Variants in MOB3B observed in about 807,000 individuals in gnomAD.
The protein encoded by MOB3B is MOB kinase activator-like 2B.
MOB3B carries 7 observed loss-of-function variants against 18.7 expected under a neutral mutation model. The observed-to-expected ratio is 0.37, with a 90% CI of 0.21 to 0.70. MOB3B has a LOEUF of 0.70. Ranked by LOEUF, MOB3B falls within the 30% of genes least tolerant of loss-of-function variation. The probability of loss-of-function intolerance (pLI) is 0.52; values close to 1 mark genes in which losing one functional copy is unlikely to be tolerated. For synonymous variants in MOB3B, 111 were observed against 99.9 expected (o/e 1.11, Z -0.66); for missense variants, 253 against 281.3 (o/e 0.90, Z 0.72).
chr9:27,477,575 T>C (rs1587243763), intron 1 of MOB3B, among the ~76,000 whole-genome samples: 1 of 152,232 alleles, frequency 6.6e-6, no homozygotes, highest in African/African-American at 2.4e-5. Context: ...AGGAACATGA[T>C]AGGTGGCCAA....
At chr9:27,470,499 C>T (rs944526034) in intron 1 of MOB3B, among the ~76,000 whole-genome samples, 3 of 152,280 alleles carry the variant, frequency 2.0e-5, no homozygotes, top group East Asian at 1.9e-4. Flanking sequence ...AGCCTCCAGG[C>T]GACTTCTCCC....
At chr9:27,455,097 G>T (rs12379154) in intron 2 of MOB3B, 36 bp downstream of exon 2, 24 of 1,611,828 alleles carry the variant, frequency 1.5e-5, no homozygotes, top group Middle Eastern at 3.4e-4. Context: ...AGATTGTGCA[G>T]GTGACAAAAA....
intron 1 of MOB3B, among the ~76,000 whole-genome samples, chr9:27,483,299 A>AT (rs1180571809): frequency 6.6e-6 from 1 of 151,678 alleles, no homozygotes; most frequent in East Asian, 1.9e-4. Flanking sequence ...CACCTGGCTA[A>AT]TTTTTTGTAT....
At chr9:27,481,403 A>G (rs921263107) in intron 1 of MOB3B, among the ~76,000 whole-genome samples, 2 of 152,030 alleles carry the variant, frequency 1.3e-5, no homozygotes, top group African/African-American at 2.4e-5. Flanking sequence ...CAACCCAAAT[A>G]ACCACAACTG....
rs1820722612 is a variant in MOB3B, at chr9:27,327,024, T to A, written c.*3563A>T. The A allele has an allele frequency of 6.5e-6, 1 of 153,630 alleles. No homozygotes were observed. The highest frequency in any genetic ancestry group is 2.4e-5 in the African/African-American group (1 of 41,494). 9.5% of individuals were successfully genotyped at this position (153,630 alleles called of 1,614,324 possible). ...CGGGAGAAAAAATAAAAGCGTTGAA[T>A]ATTTCACCTCTGGCTACAGGGAGCA... On this transcript the variant is annotated 3_prime_UTR_variant, in exon 4 of 4. Coordinates refer to ENST00000262244, the MANE Select transcript of MOB3B (RefSeq NM_024761.5).
chr9:27,529,280 CA>C (rs5897238), intron 1 of MOB3B, among the ~76,000 whole-genome samples: 60,297 of 151,820 alleles, frequency 0.4, 14,117 homozygotes, highest in East Asian at 0.59. Context: ...AAGGACAAAT[CA>C]AGATCCCGGG....
rs1563873059 is a variant in MOB3B at position 27,455,482 on chromosome 9, AG to A, written c.68del (p.Pro23LeufsTer22). 6.2e-7 allele frequency: 1 copy of A among 1,614,222 alleles called. No homozygotes were observed. Among genetic ancestry groups the A allele is most frequent in the Admixed American group, 1.7e-5 (1 of 60,030 alleles). On this transcript the variant is annotated frameshift_variant, in exon 2 of 4. Transcript: ENST00000262244. LOFTEE classifies it high-confidence loss of function. ...TGTGCAGCTCAAACCTCTGTGTGCC[AG>A]GTTCAAATTTCCTCTTGGGTCGGAA... The part of the protein sequence containing the change: ...KTFRPKRKFE[P>X]GTQRFELHKR...
chr9:27,422,337 T>G (rs1357760073), intron 2 of MOB3B, among the ~76,000 whole-genome samples: 1 of 152,226 alleles, frequency 6.6e-6, no homozygotes, highest in African/African-American at 2.4e-5. Context: ...AAATGCATAG[T>G]TCAGTCCAAC....
chr9:27,429,879 T>G (rs1222606926), intron 2 of MOB3B, among the ~76,000 whole-genome samples: 6 of 152,138 alleles, frequency 3.9e-5, no homozygotes, highest in African/African-American at 1.4e-4. Flanking sequence ...ACTCTGAAAC[T>G]AGGTATCAGA....
intron 1 of MOB3B, among the ~76,000 whole-genome samples, chr9:27,499,399 C>G (rs2131493496): frequency 6.6e-6 from 1 of 152,262 alleles, no homozygotes; most frequent in African/African-American, 2.4e-5. Context: ...ATCACGTAAA[C>G]AAATTACTTC....
At chr9:27,409,922 G>A (rs1822038664) in intron 2 of MOB3B, among the ~76,000 whole-genome samples, 2 of 152,064 alleles carry the variant, frequency 1.3e-5, no homozygotes, top group African/African-American at 4.8e-5. Context: ...GGGGCTGAGA[G>A]GGAGGGGTGG....
intron 1 of MOB3B, among the ~76,000 whole-genome samples, chr9:27,458,636 G>A (rs575467020): frequency 3.7e-5 from 5 of 134,724 alleles, no homozygotes; most frequent in South Asian, 5.6e-4. Context: ...CTGCAGCCTC[G>A]ACCTCCCAGG....
Position 27,529,618 on chromosome 9 carries a change from C to A in MOB3B, c.-262G>T, listed in dbSNP as rs1820499891. On this transcript the variant is annotated 5_prime_UTR_variant, in exon 1 of 4. Coordinates refer to ENST00000262244, the MANE Select transcript of MOB3B (RefSeq NM_024761.5). The stretch of plus-strand genomic sequence containing the variant: ...CCTTCGCCGGGTCAGCTGCAGCCAG[C>A]GCGAAAGAAAATGGTGAGCTCGGGG... 3 of 985,720 alleles carry A rather than the reference C, an allele frequency of 3.0e-6. No homozygotes were observed. Among genetic ancestry groups the A allele is most frequent in the Non-Finnish European group, 3.6e-6 (3 of 830,174 alleles). 61.1% of individuals were successfully genotyped at this position (985,720 alleles called of 1,614,324 possible). A position where few individuals can be genotyped will look rare whatever the true frequency, so the allele number is the denominator to read the frequency against.
intron 1 of MOB3B, among the ~76,000 whole-genome samples, chr9:27,500,679 T>C (rs534495498): frequency 2.6e-5 from 4 of 152,286 alleles, no homozygotes; most frequent in South Asian, 2.1e-4. Context: ...ATTCGGGACA[T>C]AGGCATGGGC....
chr9:27,353,717 G>A (rs1821143175), intron 3 of MOB3B, among the ~76,000 whole-genome samples: 1 of 152,122 alleles, frequency 6.6e-6, no homozygotes, highest in Non-Finnish European at 1.5e-5. Context: ...GCCCTAATCA[G>A]CTCTTCATTC....
At chr9:27,416,984 G>C (rs1822160468) in intron 2 of MOB3B, among the ~76,000 whole-genome samples, 1 of 152,144 alleles carries the variant, frequency 6.6e-6, no homozygotes, top group Admixed American at 6.5e-5. Flanking sequence ...CGATTGAAGG[G>C]GAGAAAGAAA....
intron 1 of MOB3B, among the ~76,000 whole-genome samples, chr9:27,527,442 T>C (rs1012098171): frequency 2.0e-5 from 3 of 152,244 alleles, no homozygotes; most frequent in East Asian, 1.9e-4. Flanking sequence ...GAAAGTGCTC[T>C]ATGTGTCGCA....
chr9:27,523,137 A>G (rs1563890071), intron 1 of MOB3B, among the ~76,000 whole-genome samples: 1 of 152,122 alleles, frequency 6.6e-6, no homozygotes, highest in Non-Finnish European at 1.5e-5. Flanking sequence ...TTTCTTGAGA[A>G]GATATAATAA....
rs987742090 is a variant in MOB3B, at chr9:27,481,388, A to G, written c.-198-25640T>C. Among the ~76,000 whole-genome samples, 6 of 152,316 alleles carry G rather than the reference A, an allele frequency of 3.9e-5. No individual in the cohort carries two copies. The South Asian group carries it at 8.3e-4, about 21-fold the overall frequency. On this transcript the variant is annotated intron_variant, in intron 1 of 3. Coordinates refer to ENST00000262244, the MANE Select transcript of MOB3B (RefSeq NM_024761.5). ...CTGAGTAAACAGCCAGGTGTAGGAA[A>G]GCAACAACCCAAATAACCACAACTG...
Sources: allele counts gnomAD v4.1 joint callset (sites outside exome capture counted in the v4.1 genomes callset), GRCh38; gene constraint gnomAD v4.1.1; transcripts MANE v1.5; gene names NCBI Gene and HGNC (gene_info 2026-07-23, HGNC 2026-07-21).